Variants in COG5 observed in about 807,000 individuals in gnomAD.
COG5 encodes the protein component of oligomeric golgi complex 5, also known as conserved oligomeric Golgi complex subunit 5.
COG5 carries 86 observed loss-of-function variants against 110.4 expected under a neutral mutation model. The ratio of observed to expected loss-of-function variants is 0.78; its 90% CI spans 0.65 to 0.93. The LOEUF (loss-of-function observed/expected upper bound fraction) is 0.93. Ranked by LOEUF, COG5 falls within the 40% of genes least tolerant of loss-of-function variation. The pLI, the probability that COG5 is intolerant of heterozygous loss-of-function variation, is 0.00. For missense variants in COG5, 1,077 were observed against 987.0 expected (o/e 1.09, Z -1.22); for synonymous variants, 360 against 334.6 (o/e 1.08, Z -0.83).
At chr7:107,433,270 T>C (rs1230108380) in intron 6 of COG5, among the ~76,000 whole-genome samples, 1 of 152,168 alleles carries the variant, frequency 6.6e-6, no homozygotes, top group Admixed American at 6.5e-5. Flanking sequence ...CTACCCAAAT[T>C]GATCTACAGA....
At chr7:107,558,553 G>A (rs1326070139) in intron 1 of COG5, among the ~76,000 whole-genome samples, 2 of 151,718 alleles carry the variant, frequency 1.3e-5, no homozygotes, top group Admixed American at 6.6e-5. Context: ...GCAGTGAGCC[G>A]AGATCGTGCC....
intron 12 of COG5, among the ~76,000 whole-genome samples, chr7:107,284,014 T>A (rs936992133): frequency 2.7e-5 from 4 of 150,158 alleles, no homozygotes; most frequent in African/African-American, 4.9e-5. Context: ...AACCTCTACC[T>A]CCTGGGTTCA....
chr7:107,542,193 A>T (rs1169595494), intron 5 of COG5, among the ~76,000 whole-genome samples: 1 of 152,178 alleles, frequency 6.6e-6, no homozygotes, highest in Non-Finnish European at 1.5e-5. Flanking sequence ...ACTTCTCTCC[A>T]ACAACAGACA....
chr7:107,219,725 G>C (rs1265935651), intron 19 of COG5, among the ~76,000 whole-genome samples: 1 of 152,182 alleles, frequency 6.6e-6, no homozygotes, highest in Non-Finnish European at 1.5e-5. Context: ...CAAAGTTACA[G>C]TTAGACAGGA....
intron 11 of COG5, among the ~76,000 whole-genome samples, chr7:107,299,949 A>C (rs916736585): frequency 1.3e-5 from 2 of 149,538 alleles, no homozygotes; most frequent in African/African-American, 4.9e-5. Flanking sequence ...TTTAACTCCT[A>C]GGCTCAAGCA....
At chr7:107,343,786 A>G (rs1392186601) in intron 10 of COG5, among the ~76,000 whole-genome samples, 3 of 152,176 alleles carry the variant, frequency 2.0e-5, no homozygotes, top group African/African-American at 7.2e-5. Context: ...ATGCATGAAA[A>G]CAACATTAGT....
At chr7:107,439,911 A>T (rs1392468168) in intron 6 of COG5, among the ~76,000 whole-genome samples, 1 of 152,226 alleles carries the variant, frequency 6.6e-6, no homozygotes, top group African/African-American at 2.4e-5. Flanking sequence ...AGGCAGGCCT[A>T]TGATTCTGCT....
At chr7:107,437,064 T>A (rs1008548629) in intron 6 of COG5, among the ~76,000 whole-genome samples, 2 of 152,176 alleles carry the variant, frequency 1.3e-5, no homozygotes, top group African/African-American at 4.8e-5. Context: ...TTACCGGCCA[T>A]GCAAACCTAG....
intron 19 of COG5, among the ~76,000 whole-genome samples, chr7:107,220,912 G>C (rs1052498151): frequency 1.3e-5 from 2 of 150,340 alleles, no homozygotes; most frequent in Non-Finnish European, 2.9e-5. Context: ...CTGCCTCCCA[G>C]GTTCAAGCGA....
intron 7 of COG5, among the ~76,000 whole-genome samples, chr7:107,410,776 T>C (rs1039553376): frequency 1.3e-5 from 2 of 152,034 alleles, no homozygotes; most frequent in African/African-American, 4.8e-5. Flanking sequence ...AAAAGAATTA[T>C]GAGTTATAAC....
At chr7:107,318,224 C>T (rs1374977190) in intron 11 of COG5, among the ~76,000 whole-genome samples, 1 of 152,088 alleles carries the variant, frequency 6.6e-6, no homozygotes, top group South Asian at 2.1e-4. Flanking sequence ...GACAGGGTTT[C>T]ACCATGTTGG....
chr7:107,411,933 T>G, intron 7 of COG5, among the ~76,000 whole-genome samples: 1 of 152,128 alleles, frequency 6.6e-6, no homozygotes, highest in Admixed American at 6.5e-5. Flanking sequence ...CATCAATACC[T>G]TTGAATTTCT....
intron 18 of COG5, among the ~76,000 whole-genome samples, chr7:107,231,964 A>T (rs1014891452): frequency 6.6e-6 from 1 of 152,234 alleles, no homozygotes; most frequent in African/African-American, 2.4e-5. Context: ...TATTAAGCAA[A>T]ATGATAAGTG....
intron 5 of COG5, among the ~76,000 whole-genome samples, chr7:107,543,385 A>G (rs538117946): frequency 2.3e-4 from 35 of 152,216 alleles, no homozygotes; most frequent in Non-Finnish European, 4.1e-4. Context: ...CAGCCCCAAC[A>G]CTAGGCCTGC....
At chr7:107,225,595 T>C (rs960979535) in intron 19 of COG5, among the ~76,000 whole-genome samples, 1 of 152,182 alleles carries the variant, frequency 6.6e-6, no homozygotes, top group Non-Finnish European at 1.5e-5. Flanking sequence ...GCTCACTGCA[T>C]CCTTGACCTC....
chr7:107,448,857 T>A (rs1389667848), intron 6 of COG5, among the ~76,000 whole-genome samples: 5 of 151,970 alleles, frequency 3.3e-5, no homozygotes. Context: ...ATCAAAAAAA[T>A]TAAGAAAAAT....
chr7:107,211,282 G>GC, intron 19 of COG5, 57 bp from the exon 20 acceptor site: 1 of 1,578,184 alleles, frequency 6.3e-7, no homozygotes, highest in South Asian at 1.1e-5. Flanking sequence ...TAGGTGATTT[G>GC]GTGGGAGAAT....
intron 6 of COG5, among the ~76,000 whole-genome samples, chr7:107,509,046 A>G (rs1262240177): frequency 6.6e-6 from 1 of 152,242 alleles, no homozygotes; most frequent in Non-Finnish European, 1.5e-5. Context: ...AGCTGGAAGG[A>G]GAATGACTTT....
rs746706902 is a variant in COG5, at chr7:107,248,501, TAA to T, written c.1750-4_1750-3del. ...ATTTTCCATAAGAGCATGAATAGCC[TAA>T]AAAAAAAAAAGAAAGAAAAAAAAGA... is the stretch of plus-strand genomic sequence containing the variant. On this transcript the variant is annotated splice_region_variant and splice_polypyrimidine_tract_variant and intron_variant, in intron 16 of 21. Coordinates refer to ENST00000297135, the MANE Select transcript of COG5 (RefSeq NM_006348.5). The T allele has an allele frequency of 4.3e-4, 537 of 1,260,816 alleles. No individual in the cohort carries two copies. Among genetic ancestry groups the T allele is most frequent in the Non-Finnish European group, 4.8e-4 (444 of 922,720 alleles). The allele number at this position is 1,260,816 out of a possible 1,614,324, so 78.1% of individuals were successfully genotyped here.
Sources: allele counts gnomAD v4.1 joint callset (sites outside exome capture counted in the v4.1 genomes callset), GRCh38; gene constraint gnomAD v4.1.1; transcripts MANE v1.5; gene names NCBI Gene and HGNC (gene_info 2026-07-23, HGNC 2026-07-21).